CDK13: variants seen among roughly 807,000 people sequenced by gnomAD.
CDK13 encodes the protein cyclin dependent kinase 13.
Under a neutral mutation model 137.6 loss-of-function variants are expected in CDK13, and 40 were observed. That is an observed-to-expected ratio of 0.29 (90% CI 0.23 to 0.38). The LOEUF (loss-of-function observed/expected upper bound fraction) is 0.38. Among genes scored for constraint, CDK13 ranks in the 10% least tolerant of loss-of-function variants. CDK13 has a pLI of 1.00. For missense variants in CDK13, 1,704 were observed against 1,951.8 expected, an observed-to-expected ratio of 0.87 and a Z score of 2.39; for synonymous variants, 869 against 760.1, an observed-to-expected ratio of 1.14 and a Z score of -2.36.
chr7:40,057,248 T>G (rs1394946526), intron 7 of CDK13, among the ~76,000 whole-genome samples: 1 of 152,074 alleles, frequency 6.6e-6, no homozygotes, highest in Non-Finnish European at 1.5e-5. Context: ...AGAGCAAAAC[T>G]GTCTCAAAAG....
intron 12 of CDK13, chr7:40,092,438 A>G: frequency 8.9e-6 from 2 of 224,190 alleles, no homozygotes; most frequent in South Asian, 7.5e-5. Flanking sequence ...CTTAGAAGGT[A>G]TGTGACACTC....
At position 40,044,780 on chromosome 7, in the gene CDK13, G is replaced by A. The variant is rs567113711; in HGVS notation, c.2354-1056G>A. Among the ~76,000 whole-genome samples the A allele has an allele frequency of 2.2e-3, 337 of 152,000 alleles. 2 individuals are homozygous for A. Among genetic ancestry groups the A allele is most frequent in the Middle Eastern group, 0.014 (4 of 294 alleles). ...GCCTCCCGAGTAGCTGGAACTACAG[G>A]CATCCACCACCATGCCAGGCTAATT... On this transcript the variant is annotated intron_variant, in intron 5 of 13. Transcript: ENST00000181839.
intron 1 of CDK13, among the ~76,000 whole-genome samples, chr7:39,958,445 C>CCCTTAGGT (rs1306146400): frequency 1.3e-5 from 2 of 152,012 alleles, no homozygotes; most frequent in African/African-American, 2.4e-5. Flanking sequence ...ATTAAAAGGC[C>CCCTTAGGT]CCTTAGGTCC....
At position 40,078,866 on chromosome 7, in the gene CDK13, A is replaced by T; in HGVS notation, c.3029+15A>T. 1.7e-6 allele frequency: 2 copies of T among 1,208,552 alleles called. No homozygotes were observed. Among genetic ancestry groups the T allele is most frequent in the Non-Finnish European group, 2.2e-6 (2 of 922,568 alleles). 74.9% of individuals were successfully genotyped at this position (1,208,552 alleles called of 1,614,324 possible). On this transcript the variant is annotated intron_variant, in intron 11 of 13. Coordinates refer to ENST00000181839, the MANE Select transcript of CDK13 (RefSeq NM_003718.5). ...CCTCCACCAGAGTAAGTGACTTTTT[A>T]TCCTATTATTATTATATATTATTAT...
In CDK13 at chr7:40,094,556, C is replaced by T. The variant is rs760918449; in HGVS notation, c.4115C>T (p.Ser1372Leu). The T allele has an allele frequency of 8.1e-6, 13 of 1,611,254 alleles. No individual in the cohort carries two copies. In the South Asian group the frequency reaches 1.4e-4, roughly 18 times the overall value. Residue 1372 changes from serine to leucine, a missense_variant, in exon 14 of 14, where the codon TCA becomes TTA. By Grantham distance (145) the Ser-to-Leu change is moderately radical. Coordinates refer to ENST00000181839, the MANE Select transcript of CDK13 (RefSeq NM_003718.5). ...GAACGACGTAGTTTCATTGGAAATT[C>T]AGATATTCAGTCTTTGGATAACTAC... is the stretch of plus-strand genomic sequence containing the variant. ...PLERRSFIGN[S>L]DIQSLDNYST... is the part of the protein sequence containing the mutation.
chr7:39,982,738 G>A (rs1386538364), intron 1 of CDK13, among the ~76,000 whole-genome samples: 4 of 152,150 alleles, frequency 2.6e-5, no homozygotes, highest in Non-Finnish European at 4.4e-5. Flanking sequence ...TCTCATTGTG[G>A]TTTTGATTTG....
chr7:40,049,601 C>T (rs1394156858), intron 7 of CDK13, among the ~76,000 whole-genome samples: 1 of 152,048 alleles, frequency 6.6e-6, no homozygotes, highest in Non-Finnish European at 1.5e-5. Context: ...TGTGTGCCAA[C>T]ACTTAAAAAT....
chr7:40,076,095 T>C (rs1786539142), intron 9 of CDK13, among the ~76,000 whole-genome samples: 1 of 152,260 alleles, frequency 6.6e-6, no homozygotes, highest in Admixed American at 6.5e-5. Context: ...ACTTAAGTTT[T>C]CTTGTATTTC....
rs1784636777 is a variant in CDK13, at chr7:39,999,422, G to A, written c.2104G>A (p.Val702Met). The change falls in exon 4 of 14, where the codon GTG becomes ATG. Residue 702 changes from valine (V) to methionine (M), a missense_variant. This residue lies in a region of CDK13 where 130 missense variants were observed against 362.4 expected (regional missense o/e 0.36). Transcript: ENST00000181839. The part of the protein sequence containing the change: ...EKDIDWGKRC[V>M]DKFDIIGIIG... The stretch of plus-strand genomic sequence containing the variant: ...AGATATTGACTGGGGAAAACGCTGC[G>A]TGGATAAATTTGATATCATCGGAAT... 6 of 1,613,420 alleles carry A rather than the reference G, an allele frequency of 3.7e-6. No homozygotes were observed. The highest frequency in any genetic ancestry group is 5.1e-6 in the Non-Finnish European group (6 of 1,179,538).
intron 7 of CDK13, among the ~76,000 whole-genome samples, chr7:40,059,586 T>TGACCTCGTGATCCACC (rs1198884825): frequency 1.3e-5 from 2 of 152,192 alleles, no homozygotes; most frequent in African/African-American, 4.8e-5. Context: ...CTTGAATGCC[T>TGACCTCGTGATCCACC]GACCTCGTGA....
At chr7:40,077,337 A>G (rs1786567855) in intron 9 of CDK13, among the ~76,000 whole-genome samples, 1 of 152,128 alleles carries the variant, frequency 6.6e-6, no homozygotes, top group African/African-American at 2.4e-5. Flanking sequence ...ACAGGTACCA[A>G]AAAACCAGAG....
intron 2 of CDK13, among the ~76,000 whole-genome samples, chr7:39,989,366 A>T (rs1219719575): frequency 6.6e-6 from 1 of 151,610 alleles, no homozygotes. Flanking sequence ...CTCCCCATTA[A>T]AAAGCAACTA....
chr7:39,998,832 G>T (rs537553213), intron 3 of CDK13: 1 of 151,526 alleles, frequency 6.6e-6, no homozygotes, highest in African/African-American at 2.4e-5. Flanking sequence ...AATATCTTTT[G>T]TACTCTCTTA....
At chr7:39,966,664 G>T (rs899797199) in intron 1 of CDK13, among the ~76,000 whole-genome samples, 1 of 152,160 alleles carries the variant, frequency 6.6e-6, no homozygotes, top group Non-Finnish European at 1.5e-5. Context: ...GAGGAGCTGC[G>T]TTCCTTTGGA....
Position 39,999,946 on chromosome 7 carries a change from C to T in CDK13, c.2182+446C>T, listed in dbSNP as rs1038834023. Among the ~76,000 whole-genome samples the T allele has an allele frequency of 5.9e-5, 9 of 152,238 alleles. No homozygotes were observed. In the South Asian group the frequency reaches 1.5e-3, roughly 25 times the overall value. On this transcript the variant is annotated intron_variant, in intron 4 of 13. Transcript: ENST00000181839. ...GTTTTAGCAGCTTAATCTTTCAGAA[C>T]ATAATCAGGAATTCAGAGAAAGTTT...
At chr7:39,955,910 TCCA>T (rs1787392109) in intron 1 of CDK13, among the ~76,000 whole-genome samples, 2 of 152,112 alleles carry the variant, frequency 1.3e-5, no homozygotes, top group Admixed American at 1.3e-4. Context: ...GAAGTTCCAT[TCCA>T]CCAAGAAGCA....
chr7:40,011,114 C>G (rs929414347), intron 5 of CDK13, among the ~76,000 whole-genome samples: 2 of 152,196 alleles, frequency 1.3e-5, no homozygotes, highest in Non-Finnish European at 2.9e-5. Flanking sequence ...CAAATCTCAG[C>G]TGACTTCAGA....
chr7:40,012,015 T>A (rs1784905024), intron 5 of CDK13, among the ~76,000 whole-genome samples: 1 of 152,108 alleles, frequency 6.6e-6, no homozygotes, highest in African/African-American at 2.4e-5. Flanking sequence ...AGATGGCCAA[T>A]AAGCACATGA....
chr7:40,023,093 C>CTTT (rs748459820), intron 5 of CDK13, among the ~76,000 whole-genome samples: 122 of 137,546 alleles, frequency 8.9e-4, no homozygotes, highest in African/African-American at 3.1e-3. Context: ...TTATACTTAA[C>CTTT]TTTTTTTTTT....
Sources: allele counts gnomAD v4.1 joint callset (sites outside exome capture counted in the v4.1 genomes callset), GRCh38; gene constraint gnomAD v4.1.1; regional missense constraint gnomAD v4.1.1; transcripts MANE v1.5; gene names NCBI Gene and HGNC (gene_info 2026-07-23, HGNC 2026-07-21).